The following ZNF730 variants were observed in gnomAD, a reference collection of about 807,000 sequenced individuals.
ZNF730 encodes the protein putative zinc finger protein 730.
ZNF730 carries 12 observed loss-of-function variants against 12.6 expected under a neutral mutation model. That is an observed-to-expected ratio of 0.95 (90% CI 0.61 to 1.54). The LOEUF (loss-of-function observed/expected upper bound fraction) is 1.54, where lower values mean the gene tolerates loss of function less well. Ranked by LOEUF, ZNF730 falls within the 40% of genes most tolerant of loss-of-function variation. The pLI, the probability that ZNF730 is intolerant of heterozygous loss-of-function variation, is 0.00. For missense variants in ZNF730, 643 were observed against 583.5 expected, an observed-to-expected ratio of 1.10 and a Z score of -1.05; for synonymous variants, 194 against 195.8, an observed-to-expected ratio of 0.99 and a Z score of 0.08.
intron 1 of ZNF730, among the ~76,000 whole-genome samples, chr19:23,080,840 T>G (rs933514449): frequency 1.4e-5 from 2 of 145,276 alleles, no homozygotes; most frequent in African/African-American, 5.3e-5. Flanking sequence ...TGTTTCTTTT[T>G]TCTTTTCTTT....
At chr19:23,076,345 A>G (rs1166522939) in intron 1 of ZNF730, among the ~76,000 whole-genome samples, 1 of 151,890 alleles carries the variant, frequency 6.6e-6, no homozygotes, top group Non-Finnish European at 1.5e-5. Context: ...ACTCCACTGT[A>G]AAAAATAAAA....
In ZNF730 at chr19:23,146,045, A is replaced by G. The variant is rs747764540; in HGVS notation, c.1001A>G (p.His334Arg). 1 of 1,611,480 alleles carries G rather than the reference A, an allele frequency of 6.2e-7. No individual in the cohort carries two copies. The highest frequency in any genetic ancestry group is 8.5e-7 in the Non-Finnish European group (1 of 1,179,310). ...SSTLTKHKRIHNGEKPYKCEE... is the reference protein window; with the variant it reads ...SSTLTKHKRIRNGEKPYKCEE... ...ACCCTTACAAAACATAAAAGAATTC[A>G]TAATGGAGAAAAACCCTACAAATGT... Residue 334 changes from histidine to arginine, a missense_variant, in exon 4 of 4, where the codon CAT (histidine) becomes CGT (arginine). Physicochemically the swap from His to Arg is conservative, Grantham distance 29. Transcript: ENST00000597761.
intron 1 of ZNF730, among the ~76,000 whole-genome samples, chr19:23,109,505 T>C (rs558073330): frequency 6.6e-6 from 1 of 151,668 alleles, no homozygotes; most frequent in South Asian, 2.1e-4. Flanking sequence ...GCCTCCAGGG[T>C]TCAAGTGATT....
intron 1 of ZNF730, among the ~76,000 whole-genome samples, chr19:23,102,050 C>T (rs1326401166): frequency 1.3e-5 from 2 of 152,148 alleles, no homozygotes; most frequent in Non-Finnish European, 1.5e-5. Context: ...AATAGAGGCT[C>T]CTCCCTGGGC....
At chr19:23,122,132 CTTTTTTTTTTTTTT>C (rs71163449) in intron 1 of ZNF730, among the ~76,000 whole-genome samples, 445 of 22,882 alleles carry the variant, frequency 0.019, 19 homozygotes, top group African/African-American at 0.071. Flanking sequence ...TTGTTTAAAG[CTTTTTTTTTTTTTT>C]TTTTTTTTTT....
chr19:23,075,982 T>A (rs1969852589), intron 1 of ZNF730, among the ~76,000 whole-genome samples: 1 of 152,106 alleles, frequency 6.6e-6, no homozygotes, highest in Non-Finnish European at 1.5e-5. Context: ...TCTAATTTCC[T>A]GCTGTTTAAT....
chr19:23,097,965 G>C (rs189226114), intron 1 of ZNF730, among the ~76,000 whole-genome samples: 253 of 152,088 alleles, frequency 1.7e-3, no homozygotes, highest in African/African-American at 5.9e-3. Context: ...ATGGCAAAAC[G>C]CTGTCTCTAC....
intron 1 of ZNF730, among the ~76,000 whole-genome samples, chr19:23,101,759 G>A (rs749154401): frequency 6.7e-6 from 1 of 149,816 alleles, no homozygotes; most frequent in Non-Finnish European, 1.5e-5. Flanking sequence ...TAGTAGAGAC[G>A]GGGTTTCACC....
At chr19:23,129,371 A>G (rs1372008934) in intron 1 of ZNF730, among the ~76,000 whole-genome samples, 1 of 152,132 alleles carries the variant, frequency 6.6e-6, no homozygotes, top group Non-Finnish European at 1.5e-5. Flanking sequence ...GCAGAGCCAC[A>G]GGGGTGGAGC....
chr19:23,086,574 C>T (rs1486605851), intron 1 of ZNF730, among the ~76,000 whole-genome samples: 1 of 152,170 alleles, frequency 6.6e-6, no homozygotes. Flanking sequence ...CTTTTGTCAG[C>T]TTTGTCAAAG....
At chr19:23,093,280 G>A (rs1034218791) in intron 1 of ZNF730, among the ~76,000 whole-genome samples, 9 of 152,162 alleles carry the variant, frequency 5.9e-5, no homozygotes, top group African/African-American at 1.9e-4. Context: ...CCAGCCTGTC[G>A]TTAATTTTTT....
At chr19:23,081,402 C>A (rs1333001433) in intron 1 of ZNF730, among the ~76,000 whole-genome samples, 1 of 152,116 alleles carries the variant, frequency 6.6e-6, no homozygotes, top group Non-Finnish European at 1.5e-5. Flanking sequence ...TTACTGCAAC[C>A]TCCGCCTCCC....
At chr19:23,090,464 T>C (rs1023171258) in intron 1 of ZNF730, among the ~76,000 whole-genome samples, 4 of 152,154 alleles carry the variant, frequency 2.6e-5, no homozygotes, top group African/African-American at 9.7e-5. Flanking sequence ...TGGGTACTTT[T>C]AAAAGCACTC....
At chr19:23,126,819 A>G (rs1255714636) in intron 1 of ZNF730, 3 of 541,216 alleles carry the variant, frequency 5.5e-6, no homozygotes, top group East Asian at 5.0e-5. Flanking sequence ...TGCTTTATCC[A>G]GTGCTATATT....
Position 23,146,444 on chromosome 19 carries a change from T to C in ZNF730, c.1400T>C (p.Leu467Pro). Residue 467 changes from leucine to proline, a missense_variant, in exon 4 of 4, where the codon CTC becomes CCC. Transcript: ENST00000597761. ...AAAGCTTTTAACCGGTCCTCAACCC[T>C]CACTACACATAAGATAATTCATTCT... is the stretch of plus-strand genomic sequence containing the variant. ...CGKAFNRSST[L>P]TTHKIIHSGE... 6.2e-7 allele frequency: 1 copy of C among 1,612,474 alleles called. No individual in the cohort carries two copies. Among genetic ancestry groups the C allele is most frequent in the South Asian group, 1.1e-5 (1 of 91,024 alleles).
At position 23,109,076 on chromosome 19, in the gene ZNF730, C is replaced by T. The variant is rs1022911716; in HGVS notation, c.-93-25004C>T. 2.0e-5 allele frequency among the ~76,000 whole-genome samples: 3 copies of T among 150,496 alleles called. No individual in the cohort carries two copies. The South Asian group carries it at 6.3e-4, about 32-fold the overall frequency. On this transcript the variant is annotated intron_variant, in intron 1 of 2. Transcript: ENST00000593635. ...CAAAAAATTGTGTCTTTTTTGACCT[C>T]TAACTTTTGGATGCTATAGAGTGCC...
intron 1 of ZNF730, among the ~76,000 whole-genome samples, chr19:23,085,469 A>AT (rs199785481): frequency 0.02 from 2,340 of 118,282 alleles, 60 homozygotes; most frequent in African/African-American, 0.067. Flanking sequence ...AAGTGCTGGG[A>AT]TTACAGGCAT....
chr19:23,087,638 C>T (rs2935452), intron 1 of ZNF730, among the ~76,000 whole-genome samples: 10,219 of 139,262 alleles, frequency 0.073, 434 homozygotes, highest in Middle Eastern at 0.14. Context: ...TTTTTTGAGA[C>T]GGAGTTTGCT....
At chr19:23,142,735 T>A (rs12979397) in intron 3 of ZNF730, among the ~76,000 whole-genome samples, 1 of 147,714 alleles carries the variant, frequency 6.8e-6, no homozygotes, top group Non-Finnish European at 1.5e-5. Context: ...GAAAGTTAAT[T>A]ATATATATTT....
Sources: allele counts gnomAD v4.1 joint callset (sites outside exome capture counted in the v4.1 genomes callset), GRCh38; gene constraint gnomAD v4.1.1; transcripts MANE v1.5; gene names NCBI Gene and HGNC (gene_info 2026-07-23, HGNC 2026-07-21).